MTHFD1L: variants seen among roughly 807,000 people sequenced by gnomAD.
MTHFD1L encodes the protein monofunctional C1-tetrahydrofolate synthase, mitochondrial.
A neutral mutation model predicts 119.5 loss-of-function variants in MTHFD1L; 81 were observed. That is an observed-to-expected ratio of 0.68 (90% CI 0.57 to 0.82). The LOEUF (loss-of-function observed/expected upper bound fraction) is 0.82, where lower values mean the gene tolerates loss of function less well. Among genes scored for constraint, MTHFD1L ranks in the 40% least tolerant of loss-of-function variants. The pLI is 0.00. For synonymous variants in MTHFD1L, 430 were observed against 475.2 expected, an observed-to-expected ratio of 0.90 and a Z score of 1.24; for missense variants, 1,125 against 1,253.4, an observed-to-expected ratio of 0.90 and a Z score of 1.55.
intron 24 of MTHFD1L, chr6:151,022,393 T>G (rs1259231402): frequency 5.1e-6 from 1 of 195,610 alleles, no homozygotes; most frequent in Non-Finnish European, 1.1e-5. Context: ...CAGTGGGGGA[T>G]CTTCCATTGT....
intron 24 of MTHFD1L, among the ~76,000 whole-genome samples, chr6:151,020,971 C>T (rs1783863171): frequency 6.6e-6 from 1 of 152,170 alleles, no homozygotes. Context: ...CTCAACTCTG[C>T]ATTATAGATG....
intron 26 of MTHFD1L, chr6:151,057,105 G>A: frequency 2.8e-6 from 2 of 703,336 alleles, no homozygotes; most frequent in Non-Finnish European, 3.5e-6. Context: ...TATAACTAAT[G>A]AACAGTTCAG....
At chr6:150,984,383 A>C (rs547679664) in intron 20 of MTHFD1L, among the ~76,000 whole-genome samples, 23 of 152,186 alleles carry the variant, frequency 1.5e-4, no homozygotes, top group Non-Finnish European at 2.6e-4. Context: ...CAGAAGAAAC[A>C]TGCAAAACAA....
intron 26 of MTHFD1L, among the ~76,000 whole-genome samples, chr6:151,064,921 G>A (rs1791069495): frequency 6.6e-6 from 1 of 151,950 alleles, no homozygotes; most frequent in Non-Finnish European, 1.5e-5. Flanking sequence ...TCCTGCCTCA[G>A]CCTCCCCAAG....
chr6:151,052,910 G>A (rs1313383077), intron 26 of MTHFD1L, among the ~76,000 whole-genome samples: 1 of 152,202 alleles, frequency 6.6e-6, no homozygotes. Flanking sequence ...GTCAGAAGAG[G>A]TAGCTCCAGG....
chr6:150,922,209 T>C lies in MTHFD1L; in HGVS notation c.989T>C (p.Met330Thr), dbSNP rs773334285. 2.5e-6 allele frequency: 4 copies of C among 1,613,332 alleles called. No individual in the cohort carries two copies. Among genetic ancestry groups the C allele is most frequent in the African/African-American group, 1.3e-5 (1 of 74,914 alleles). The change falls in exon 10 of 28, where the codon ATG becomes ACG. Residue 330 changes from methionine to threonine, a missense_variant. Transcript: ENST00000367321. ...TCCCCTCTATCCCTGCTGAAGAACA[T>C]GGTCAGTAGTGGAAGGAGATGGCTT... The part of the protein sequence containing the change: ...LLAAALRIQN[M>T]VSSGRRWLRE...
chr6:151,007,704 G>A (rs1427195261), intron 20 of MTHFD1L, among the ~76,000 whole-genome samples: 3 of 152,114 alleles, frequency 2.0e-5, no homozygotes, highest in South Asian at 2.1e-4. Flanking sequence ...AAAGTCACCC[G>A]GATTATCCCT....
intron 7 of MTHFD1L, among the ~76,000 whole-genome samples, chr6:150,904,865 C>G (rs373052217): frequency 6.6e-6 from 1 of 152,058 alleles, no homozygotes; most frequent in Non-Finnish European, 1.5e-5. Flanking sequence ...AATGGTTGGA[C>G]AAGAGACTAA....
chr6:151,074,093 C>T (rs958450680), intron 26 of MTHFD1L, among the ~76,000 whole-genome samples: 3 of 152,104 alleles, frequency 2.0e-5, no homozygotes, highest in Admixed American at 1.3e-4. Flanking sequence ...ATTTTTAAAG[C>T]AGTGAAAGAA....
At chr6:150,899,868 A>G (rs1784835403) in intron 7 of MTHFD1L, among the ~76,000 whole-genome samples, 1 of 151,858 alleles carries the variant, frequency 6.6e-6, no homozygotes, top group Non-Finnish European at 1.5e-5. Flanking sequence ...GCTACTCAGG[A>G]GGCTGAGACA....
chr6:150,986,184 T>C (rs1778280257), intron 20 of MTHFD1L, among the ~76,000 whole-genome samples: 1 of 152,222 alleles, frequency 6.6e-6, no homozygotes, highest in African/African-American at 2.4e-5. Context: ...ATTTGATCTT[T>C]ACTCTAAATT....
chr6:151,087,535 T>C (rs1284909607), intron 26 of MTHFD1L, among the ~76,000 whole-genome samples: 2 of 152,156 alleles, frequency 1.3e-5, no homozygotes, highest in Non-Finnish European at 2.9e-5. Context: ...AGGTAGTAGA[T>C]TTCAGGCAAA....
chr6:151,054,032 A>G (rs912671300), intron 26 of MTHFD1L, among the ~76,000 whole-genome samples: 4 of 152,160 alleles, frequency 2.6e-5, no homozygotes, highest in Admixed American at 2.6e-4. Context: ...GTTTGTCATA[A>G]AAGAGTGGAA....
intron 18 of MTHFD1L, among the ~76,000 whole-genome samples, chr6:150,962,678 T>C (rs1318179042): frequency 6.6e-6 from 1 of 152,156 alleles, no homozygotes; most frequent in Non-Finnish European, 1.5e-5. Context: ...CTGAGATGTG[T>C]CCCAGAAAAA....
chr6:151,015,113 T>G, intron 23 of MTHFD1L, 133 bp downstream of exon 23: 1 of 704,724 alleles, frequency 1.4e-6, no homozygotes. Flanking sequence ...TCTTTCTGTT[T>G]GTTTATTTGG....
intron 20 of MTHFD1L, among the ~76,000 whole-genome samples, chr6:150,986,619 G>A (rs1168899177): frequency 6.6e-6 from 1 of 152,242 alleles, no homozygotes; most frequent in Non-Finnish European, 1.5e-5. Context: ...GTGGAGCTCA[G>A]GCAGTAATGC....
intron 7 of MTHFD1L, among the ~76,000 whole-genome samples, chr6:150,889,176 C>CAAAA (rs57228842): frequency 0.56 from 81,449 of 145,680 alleles, 22,674 homozygotes; most frequent in African/African-American, 0.66. Context: ...GACTCCGTCT[C>CAAAA]AAAAAAAAAA....
At position 151,047,421 on chromosome 6, in the gene MTHFD1L, G is replaced by A. The variant is rs576453702; in HGVS notation, c.2847+10304G>A. Among the ~76,000 whole-genome samples, 52 of 152,318 alleles carry A rather than the reference G, an allele frequency of 3.4e-4. 1 individual carries two copies. The highest frequency in any genetic ancestry group is 1.2e-3 in the African/African-American group (49 of 41,570). On this transcript the variant is annotated intron_variant, in intron 26 of 27. Transcript: ENST00000367321. ...GGAGCAAGTATAAAGTAGGTGTAGG[G>A]AAATAATTTATGTTGGATTAAATGA...
intron 4 of MTHFD1L, among the ~76,000 whole-genome samples, chr6:150,882,078 C>A (rs1781475427): frequency 6.6e-6 from 1 of 152,214 alleles, no homozygotes; most frequent in African/African-American, 2.4e-5. Context: ...GAGGACAAAG[C>A]ATTGCTTATT....
Sources: allele counts gnomAD v4.1 joint callset (sites outside exome capture counted in the v4.1 genomes callset), GRCh38; gene constraint gnomAD v4.1.1; transcripts MANE v1.5; gene names NCBI Gene and HGNC (gene_info 2026-07-23, HGNC 2026-07-21).